ZRANB3: variants seen among roughly 807,000 people sequenced by gnomAD.
ZRANB3 encodes the protein zinc finger RANBP2-type containing 3.
In ZRANB3, 125 loss-of-function variants were observed where a neutral mutation model predicts 133.8. That is an observed-to-expected ratio of 0.93 (90% CI 0.81 to 1.08). The LOEUF (loss-of-function observed/expected upper bound fraction) is 1.08, where lower values mean the gene tolerates loss of function less well. ZRANB3 is among the 50% of genes least tolerant of loss of function. ZRANB3 has a pLI of 0.00. For synonymous variants in ZRANB3, 387 were observed against 432.7 expected, an observed-to-expected ratio of 0.89 and a Z score of 1.31; for missense variants, 1,229 against 1,275.5, an observed-to-expected ratio of 0.96 and a Z score of 0.56.
intron 6 of ZRANB3, among the ~76,000 whole-genome samples, chr2:135,328,498 T>C (rs1231778202): frequency 2.0e-5 from 3 of 152,182 alleles, no homozygotes; most frequent in East Asian, 1.9e-4. Flanking sequence ...CTCTTTGCTA[T>C]TGTGAATAGT....
At chr2:135,470,443 T>C (rs1394567700) in intron 2 of ZRANB3, among the ~76,000 whole-genome samples, 3 of 152,080 alleles carry the variant, frequency 2.0e-5, no homozygotes, top group African/African-American at 7.2e-5. Context: ...CCCAGTACTT[T>C]GGGAGGCCGA....
At chr2:135,331,035 G>T (rs1479349112) in intron 6 of ZRANB3, among the ~76,000 whole-genome samples, 4 of 152,058 alleles carry the variant, frequency 2.6e-5, no homozygotes, top group South Asian at 2.1e-4. Context: ...ATTGATTTTG[G>T]TTTTTTGTGT....
chr2:135,238,357 C>G (rs953205312), intron 12 of ZRANB3, among the ~76,000 whole-genome samples: 6 of 151,798 alleles, frequency 4.0e-5, no homozygotes, highest in Non-Finnish European at 8.8e-5. Flanking sequence ...GTAACTGTCT[C>G]ACCCAACAGA....
chr2:135,485,079 A>G (rs1451459153), intron 2 of ZRANB3, among the ~76,000 whole-genome samples: 4 of 152,174 alleles, frequency 2.6e-5, no homozygotes, highest in South Asian at 2.1e-4. Flanking sequence ...TAAAACCCCA[A>G]TAACTGAGGG....
At chr2:135,457,211 C>A (rs1690559153) in intron 2 of ZRANB3, among the ~76,000 whole-genome samples, 1 of 152,152 alleles carries the variant, frequency 6.6e-6, no homozygotes, top group Non-Finnish European at 1.5e-5. Context: ...TTGTCCATGA[C>A]TATTTGGCTT....
At chr2:135,444,403 T>A (rs1689925694) in intron 2 of ZRANB3, among the ~76,000 whole-genome samples, 1 of 152,156 alleles carries the variant, frequency 6.6e-6, no homozygotes. Flanking sequence ...AAACAAAATG[T>A]AGTTTACCCA....
intron 5 of ZRANB3, among the ~76,000 whole-genome samples, chr2:135,347,171 T>C (rs1684974092): frequency 6.6e-6 from 1 of 152,236 alleles, no homozygotes; most frequent in Non-Finnish European, 1.5e-5. Context: ...ATCACATTTG[T>C]TTATACATTC....
intron 8 of ZRANB3, among the ~76,000 whole-genome samples, chr2:135,296,961 G>C (rs550655081): frequency 5.9e-5 from 9 of 152,214 alleles, no homozygotes; most frequent in Non-Finnish European, 1.2e-4. Flanking sequence ...GGAGTACCCT[G>C]CCATGTGAGG....
rs1248232576 is a variant in ZRANB3 at position 135,235,632 on chromosome 2, C to T, written c.1540-4705G>A. Among the ~76,000 whole-genome samples the T allele has an allele frequency of 8.6e-5, 13 of 151,276 alleles. No homozygotes were observed. The Admixed American group carries it at 8.6e-4, about 10-fold the overall frequency. On this transcript the variant is annotated intron_variant, in intron 12 of 20. Coordinates refer to ENST00000264159, the MANE Select transcript of ZRANB3 (RefSeq NM_032143.4). ...TCCCTGGGAAGCAAGGCTGGTTCAA[C>T]ATACGAAAATCAATAAACGTAATCC...
At chr2:135,368,111 C>T (rs968950682) in intron 3 of ZRANB3, among the ~76,000 whole-genome samples, 1 of 152,020 alleles carries the variant, frequency 6.6e-6, no homozygotes, top group Non-Finnish European at 1.5e-5. Context: ...CTGATAATGT[C>T]ATCACATGCT....
chr2:135,218,623 C>T (rs557707207), intron 16 of ZRANB3, among the ~76,000 whole-genome samples: 1 of 152,220 alleles, frequency 6.6e-6, no homozygotes, highest in South Asian at 2.1e-4. Flanking sequence ...AGCCACAGAT[C>T]AGTGTTAAGA....
At chr2:135,454,838 C>A (rs1690425860) in intron 2 of ZRANB3, among the ~76,000 whole-genome samples, 1 of 152,162 alleles carries the variant, frequency 6.6e-6, no homozygotes, top group Non-Finnish European at 1.5e-5. Context: ...CACTCATTGG[C>A]TGATGGGCAC....
At chr2:135,208,021 C>T (rs902874987) in intron 18 of ZRANB3, among the ~76,000 whole-genome samples, 185 bp from the exon 19 acceptor site, 6 of 152,096 alleles carry the variant, frequency 3.9e-5, no homozygotes, top group Non-Finnish European at 8.8e-5. Context: ...TGGTGTGTTA[C>T]AAAAATTAAT....
chr2:135,275,545 A>T, intron 9 of ZRANB3, 91 bp downstream of exon 9: 1 of 1,165,046 alleles, frequency 8.6e-7, no homozygotes, highest in Non-Finnish European at 1.1e-6. Context: ...AAAGAAGACA[A>T]AAAACACCTC....
At chr2:135,504,274 T>C in intron 2 of ZRANB3, 55 bp downstream of exon 2, 1 of 1,603,524 alleles carries the variant, frequency 6.2e-7, no homozygotes, top group East Asian at 2.2e-5. Context: ...GAACTTTGTT[T>C]TTAATACACT....
chr2:135,488,848 C>T (rs1215515221), intron 2 of ZRANB3, among the ~76,000 whole-genome samples: 1 of 150,114 alleles, frequency 6.7e-6, no homozygotes, highest in African/African-American at 2.5e-5. Flanking sequence ...TTTGATTATA[C>T]TATATAGCAT....
intron 2 of ZRANB3, among the ~76,000 whole-genome samples, chr2:135,484,224 T>A (rs1691985619): frequency 6.6e-6 from 1 of 152,166 alleles, no homozygotes. Context: ...CAAATTACTC[T>A]GCCAGGATTT....
chr2:135,494,104 AGGAG>A (rs1045745940), intron 2 of ZRANB3, among the ~76,000 whole-genome samples: 2 of 139,154 alleles, frequency 1.4e-5, no homozygotes, highest in East Asian at 2.4e-4. Flanking sequence ...AGAAATAGAA[AGGAG>A]GGAGGGAGGG....
Position 135,240,691 on chromosome 2 carries a change from A to G in ZRANB3, c.1540-9764T>C, listed in dbSNP as rs947441895. ...CCTCCTGGATTCAAGTGATCCTCCC[A>G]CCTCAGCTTCCCAAGTAGCTGGGAC... is the stretch of plus-strand genomic sequence containing the variant. On this transcript the variant is annotated intron_variant, in intron 12 of 20. Coordinates refer to ENST00000264159, the MANE Select transcript of ZRANB3 (RefSeq NM_032143.4). Among the ~76,000 whole-genome samples, 11 of 152,160 alleles carry G rather than the reference A, an allele frequency of 7.2e-5. No individual in the cohort carries two copies. The South Asian group carries it at 2.3e-3, about 32-fold the overall frequency.
Sources: gnomAD v4.1 joint callset for allele counts (sites outside exome capture counted in the v4.1 genomes callset) on GRCh38, gnomAD v4.1.1 for gene constraint, MANE v1.5 for transcripts, NCBI Gene and HGNC (gene_info 2026-07-23, HGNC 2026-07-21) for gene names.